Variants in COBLL1 observed in about 807,000 individuals in gnomAD.
COBLL1 encodes the protein cordon-bleu WH2 repeat protein like 1, also known as cordon-bleu protein-like 1.
In COBLL1, 50 loss-of-function variants were observed where a neutral mutation model predicts 94.8. The ratio of observed to expected loss-of-function variants is 0.53; its 90% CI spans 0.42 to 0.67. COBLL1 has a LOEUF of 0.67. COBLL1 is among the 30% of genes least tolerant of loss of function. The pLI is 0.00. For synonymous variants in COBLL1, 448 were observed against 473.8 expected (o/e 0.95, Z 0.71); for missense variants, 1,362 against 1,348.7 (o/e 1.01, Z -0.15).
intron 2 of COBLL1, among the ~76,000 whole-genome samples, chr2:164,787,265 G>T (rs1486809902): frequency 6.6e-6 from 1 of 152,112 alleles, no homozygotes; most frequent in East Asian, 1.9e-4. Context: ...CTAGGAACTT[G>T]TCATTACCTG....
At chr2:164,756,095 G>A (rs1404050722) in intron 2 of COBLL1, among the ~76,000 whole-genome samples, 1 of 151,950 alleles carries the variant, frequency 6.6e-6, no homozygotes, top group Non-Finnish European at 1.5e-5. Context: ...GGGAGGGAGA[G>A]AGAGAGAGAG....
chr2:164,729,500 G>GA (rs932472010), intron 4 of COBLL1, among the ~76,000 whole-genome samples: 30 of 146,250 alleles, frequency 2.1e-4, no homozygotes, highest in African/African-American at 6.5e-4. Context: ...TGAAGAACTC[G>GA]AAAAAAAAAC....
intron 12 of COBLL1, 57 bp downstream of exon 12, chr2:164,694,212 C>A: frequency 6.7e-7 from 1 of 1,484,038 alleles, no homozygotes; most frequent in South Asian, 1.3e-5. Flanking sequence ...GCTTGTTAAC[C>A]CCCATTAAAC....
Position 164,722,472 on chromosome 2 carries a change from T to C in COBLL1, c.712A>G (p.Lys238Glu), listed in dbSNP as rs1421165472. The C allele has an allele frequency of 1.3e-6, 2 of 1,529,436 alleles. No homozygotes were observed. Among genetic ancestry groups the C allele is most frequent in the East Asian group, 2.3e-5 (1 of 43,904 alleles). 94.7% of individuals were successfully genotyped at this position (1,529,436 alleles called of 1,614,324 possible). Residue 238 changes from lysine (K) to glutamate (E), a missense_variant, in exon 6 of 14, where the codon AAA (lysine) becomes GAA (glutamate). Physicochemically the swap from Lys to Glu is moderately conservative, Grantham distance 56. Transcript: ENST00000652658. ...CGTTGAAAAAAACTGAAAAACCCTT[T>C]ATTTTCTTTCTCCTTCATAATATCT... Reference protein sequence around the residue: ...NLDIMKEKENKGFFSFFQRSK... With the variant: ...NLDIMKEKENEGFFSFFQRSK...
upstream of COBLL1, chr2:164,842,022 A>T (rs1024741943): frequency 2.7e-5 from 41 of 1,537,816 alleles, no homozygotes; most frequent in Middle Eastern, 1.7e-4. Context: ...GCCGCACATA[A>T]GTGGGGACCA....
intron 4 of COBLL1, among the ~76,000 whole-genome samples, chr2:164,729,648 A>G (rs1389528940): frequency 6.6e-6 from 1 of 152,190 alleles, no homozygotes; most frequent in Admixed American, 6.5e-5. Context: ...ACTTTTTAAA[A>G]GAGTAGCTTA....
At position 164,738,026 on chromosome 2, in the gene COBLL1, T is replaced by C. The variant is rs116831299; in HGVS notation, c.230+5661A>G. Among the ~76,000 whole-genome samples the C allele has an allele frequency of 6.9e-3, 1,053 of 152,286 alleles. 9 individuals are homozygous for C. The highest frequency in any genetic ancestry group is 0.024 in the African/African-American group (1,015 of 41,558). On this transcript the variant is annotated intron_variant, in intron 3 of 13. Transcript: ENST00000652658. ...GTCTAGAACAAACTGTAACTTCTAG[T>C]TGGGACTTCTAGCTTGGAGTTCTGT...
At chr2:164,698,399 T>A (rs1242791426) in intron 11 of COBLL1, 1 of 149,880 alleles carries the variant, frequency 6.7e-6, no homozygotes, top group Non-Finnish European at 1.5e-5. Flanking sequence ...TATATATATA[T>A]AATTATATAT....
rs184471903 is a variant in COBLL1, at chr2:164,695,014, A to G, written c.2378T>C (p.Leu793Pro). Residue 793 changes from leucine to proline, a missense_variant, in exon 12 of 14, where the codon CTG becomes CCG. Leu to Pro is a moderately conservative substitution (Grantham distance 98, BLOSUM62 -3). Transcript: ENST00000652658. ...SAISESPEEPLPNLKPKPNLR... is the reference protein window; with the variant it reads ...SAISESPEEPPPNLKPKPNLR... ...GTTAGGCTTCGGTTTAAGGTTTGGCAGTGGCTCTTCTGGGCTTTCAGAAAT... is the reference window on the plus strand; with the variant it reads ...GTTAGGCTTCGGTTTAAGGTTTGGCGGTGGCTCTTCTGGGCTTTCAGAAAT... 2 of 1,613,948 alleles carry G rather than the reference A, an allele frequency of 1.2e-6. No individual in the cohort carries two copies. The highest frequency in any genetic ancestry group is 3.3e-5 in the Admixed American group (2 of 59,984).
chr2:164,826,898 T>TAA lies in COBLL1; in HGVS notation c.41+14257_41+14258insTT, dbSNP rs1285673210. Among the ~76,000 whole-genome samples, 510 of 80,096 alleles carry TAA rather than the reference T, an allele frequency of 6.4e-3. 1 individual carries two copies. Among genetic ancestry groups the TAA allele is most frequent in the Admixed American group, 0.01 (86 of 8,272 alleles). The allele number at this position is 80,096 out of a possible 152,430, so 52.5% of individuals were successfully genotyped here. On this transcript the variant is annotated intron_variant, in intron 2 of 13. Coordinates refer to ENST00000652658, the MANE Select transcript of COBLL1 (RefSeq NM_001365672.2). Reference sequence around the variant, plus strand: ...TTAAAGTTTTTTGTCTTTGTTTCGTTTTTTTTTTTGTTTCTCTCTCTTTTT... The same window carrying TAA: ...TTAAAGTTTTTTGTCTTTGTTTCGTTAATTTTTTTTTGTTTCTCTCTCTTTTT...
intron 2 of COBLL1, among the ~76,000 whole-genome samples, chr2:164,816,125 G>A (rs1684732240): frequency 6.6e-6 from 1 of 151,916 alleles, no homozygotes; most frequent in Admixed American, 6.6e-5. Flanking sequence ...AAGAAAAAGA[G>A]AAGAAATGCA....
chr2:164,827,321 T>A (rs1685484951), intron 2 of COBLL1, among the ~76,000 whole-genome samples: 1 of 152,182 alleles, frequency 6.6e-6, no homozygotes, highest in Non-Finnish European at 1.5e-5. Flanking sequence ...ATGTAAAATG[T>A]CGATTTGTTG....
chr2:164,805,033 T>A (rs1297780245), intron 2 of COBLL1, among the ~76,000 whole-genome samples: 6 of 152,006 alleles, frequency 3.9e-5, no homozygotes, highest in Admixed American at 1.3e-4. Context: ...AAAATTCAAC[T>A]GATCTAGAAG....
At chr2:164,793,318 CA>C (rs201808950) in intron 2 of COBLL1, among the ~76,000 whole-genome samples, 88 of 111,334 alleles carry the variant, frequency 7.9e-4, no homozygotes, top group South Asian at 2.8e-3. Context: ...CAAAACAAAG[CA>C]AAAAAAAAAA....
chr2:164,831,458 A>G (rs1304516295), intron 2 of COBLL1, among the ~76,000 whole-genome samples: 1 of 151,756 alleles, frequency 6.6e-6, no homozygotes, highest in Non-Finnish European at 1.5e-5. Flanking sequence ...ATATTTAAAT[A>G]ATATTTAAAT....
intron 2 of COBLL1, among the ~76,000 whole-genome samples, chr2:164,804,640 T>A (rs926881846): frequency 1.3e-5 from 2 of 152,222 alleles, no homozygotes; most frequent in Admixed American, 1.3e-4. Flanking sequence ...TTTCTTGTGG[T>A]TCACTGGTGC....
intron 13 of COBLL1, chr2:164,687,518 T>A: frequency 3.6e-6 from 5 of 1,395,114 alleles, no homozygotes; most frequent in Non-Finnish European, 4.0e-6. Context: ...CGGACGGACA[T>A]GGTAACTTGG....
At chr2:164,815,965 A>G (rs1232031348) in intron 2 of COBLL1, among the ~76,000 whole-genome samples, 2 of 152,164 alleles carry the variant, frequency 1.3e-5, no homozygotes, top group Non-Finnish European at 2.9e-5. Context: ...AAAACCCAGT[A>G]GGGACAAAAC....
chr2:164,734,343 C>T (rs1470933314), intron 3 of COBLL1, among the ~76,000 whole-genome samples: 2 of 152,012 alleles, frequency 1.3e-5, no homozygotes, highest in African/African-American at 4.8e-5. Context: ...AACCCTGAGG[C>T]AGGAATGTGC....
Sources: gnomAD v4.1 joint callset for allele counts (sites outside exome capture counted in the v4.1 genomes callset) on GRCh38, gnomAD v4.1.1 for gene constraint, MANE v1.5 for transcripts, NCBI Gene and HGNC (gene_info 2026-07-23, HGNC 2026-07-21) for gene names.